Variants in FOXP3 observed in about 807,000 individuals in gnomAD.
The protein encoded by FOXP3 is forkhead box protein P3.
Under a neutral mutation model 31.2 loss-of-function variants are expected in FOXP3, and 5 were observed. The observed-to-expected ratio is 0.16, with a 90% CI of 0.08 to 0.34. The LOEUF (loss-of-function observed/expected upper bound fraction) is 0.34, where lower values mean the gene tolerates loss of function less well. Ranked by LOEUF, FOXP3 falls within the 10% of genes least tolerant of loss-of-function variation. The pLI, the probability that FOXP3 is intolerant of heterozygous loss-of-function variation, is 1.00. For missense variants in FOXP3, 251 were observed against 363.0 expected (o/e 0.69, Z 2.51); for synonymous variants, 141 against 148.8 (o/e 0.95, Z 0.38).
chrX:49,261,183 G>A (rs1400042235), intron 1 of FOXP3, among the ~76,000 whole-genome samples: 1 of 112,472 alleles, frequency 8.9e-6, no homozygotes, highest in Non-Finnish European at 1.9e-5. Flanking sequence ...TGGGGTCTAC[G>A]GTCCCAAAGT....
intron 1 of FOXP3, 146 bp from the exon 2 acceptor site, chrX:49,258,673 C>G (rs1474291132): frequency 5.0e-6 from 2 of 398,831 alleles, no homozygotes; most frequent in Non-Finnish European, 8.5e-6. Flanking sequence ...CACCCCAGCT[C>G]TAGACACACA....
chrX:49,255,308 G>C (rs1425696423), intron 8 of FOXP3, 121 bp downstream of exon 8: 1 of 615,257 alleles, frequency 1.6e-6, no homozygotes, highest in African/African-American at 2.2e-5. Flanking sequence ...GTTTGGAGCT[G>C]GGGACAGGGG....
intron 1 of FOXP3, among the ~76,000 whole-genome samples, chrX:49,263,851 T>C (rs1317698267): frequency 9.5e-6 from 1 of 105,806 alleles, no homozygotes; most frequent in Admixed American, 1.0e-4. Flanking sequence ...AAGTGCTCCC[T>C]GCCCCCCCGC....
In FOXP3 at chrX:49,251,274, A is replaced by C; in HGVS notation, c.*60T>G. The C allele has an allele frequency of 6.9e-6, 8 of 1,162,899 alleles. No individual in the cohort carries two copies. The highest frequency in any genetic ancestry group is 9.3e-6 in the Non-Finnish European group (8 of 860,866). On this transcript the variant is annotated 3_prime_UTR_variant, in exon 12 of 12. Transcript: ENST00000376207. ...AGGGCCTATCATCCCTGCCCCCACC[A>C]CCTCTGCCTCCCACCAGTTTGGCCC...
In FOXP3 at chrX:49,258,437, C is replaced by T. The variant is rs376670807; in HGVS notation, c.69G>A (p.Ser23=). 23 of 1,185,315 alleles carry T rather than the reference C, an allele frequency of 1.9e-5. No homozygotes were observed. Among genetic ancestry groups the T allele is most frequent in the Non-Finnish European group, 1.9e-5 (17 of 881,950 alleles). ...CTTTGGGTGCAGCCCTCCAGCTGGG[C>T]GAGGCTCCTGGGGATGGGCCAAGGG... The part of the protein sequence containing the change: ...SLALGPSPGA[S]PSWRAAPKAS... The change falls in exon 2 of 12, where the codon TCG becomes TCA. Residue 23 remains serine (S), a synonymous_variant. Coordinates refer to ENST00000376207, the MANE Select transcript of FOXP3 (RefSeq NM_014009.4).
At position 49,255,471 on chromosome X, in the gene FOXP3, G is replaced by A. The variant is rs782108980; in HGVS notation, c.774C>T (p.Ala258=). Reference sequence around the variant, plus strand: ...TCAGTGCCATTTTCCCAGCCAGGTGGGCCTGCATGGCACTCAGCTTCTCCT... The same window carrying A: ...TCAGTGCCATTTTCCCAGCCAGGTGAGCCTGCATGGCACTCAGCTTCTCCT... ...LEKEKLSAMQ[A]HLAGKMALTK... is the part of the protein sequence containing the mutation. Residue 258 remains alanine (A), a synonymous_variant, in exon 8 of 12, where the codon GCC becomes GCT. Coordinates refer to ENST00000376207, the MANE Select transcript of FOXP3 (RefSeq NM_014009.4). 6 of 1,201,464 alleles carry A rather than the reference G, an allele frequency of 5.0e-6. No homozygotes were observed. In the African/African-American group the frequency reaches 1.0e-4, roughly 21 times the overall value.
chrX:49,253,234 T>G, intron 9 of FOXP3, 32 bp from the exon 10 acceptor site: 12 of 1,140,605 alleles, frequency 1.1e-5, no homozygotes, highest in Non-Finnish European at 1.4e-5. Context: ...TCAAGCCCCA[T>G]GCAGGACCTC....
At chrX:49,256,208 GAGAGAGAGAGAA>G (rs2066069298) in intron 6 of FOXP3, among the ~76,000 whole-genome samples, 22 of 89,258 alleles carry the variant, frequency 2.5e-4, no homozygotes, top group Admixed American at 5.3e-4. Flanking sequence ...GTGTGTGTGT[GAGAGAGAGAGAA>G]AGAGAGAGAG....
rs1557115959 is a variant in FOXP3 at position 49,254,065 on chromosome X, T to C, written c.819A>G (p.Ala273=). Residue 273 remains alanine, a splice_region_variant and synonymous_variant, in exon 9 of 12, where the codon GCA becomes GCG. Coordinates refer to ENST00000376207, the MANE Select transcript of FOXP3 (RefSeq NM_014009.4). ...TGCAGCAGGAGCCCTTGTCGGATGA[T>C]GCCTGGGTGAGGGGGAGAGGCTGGT... is the stretch of plus-strand genomic sequence containing the variant. The part of the protein sequence containing the change: ...KMALTKASSV[A]SSDKGSCCIV... The C allele has an allele frequency of 2.5e-6, 3 of 1,208,062 alleles. No individual in the cohort carries two copies. In the South Asian group the frequency reaches 5.3e-5, roughly 21 times the overall value.
rs2066023072 is a variant in FOXP3, at chrX:49,250,626, T to C, written c.*708A>G. The C allele has an allele frequency of 1.3e-5, 4 of 316,646 alleles. No individual in the cohort carries two copies. The highest frequency in any genetic ancestry group is 8.0e-5 in the Admixed American group (2 of 25,092). The allele number at this position is 316,646 out of a possible 1,213,427, so 26.1% of individuals were successfully genotyped here. The stretch of plus-strand genomic sequence containing the variant: ...GGCAGTGTGTGTGGCTGTGTGTGTC[T>C]GCACGGGACTCAAGAGACCCACTGG... On this transcript the variant is annotated 3_prime_UTR_variant, in exon 12 of 12. Coordinates refer to ENST00000376207, the MANE Select transcript of FOXP3 (RefSeq NM_014009.4).
chrX:49,252,998 T>C (rs2066043821), intron 10 of FOXP3, 128 bp downstream of exon 10: 2 of 563,147 alleles, frequency 3.6e-6, no homozygotes, highest in Non-Finnish European at 5.8e-6. Context: ...TTGGGGATCC[T>C]TGGGGCTGGG....
intron 1 of FOXP3, among the ~76,000 whole-genome samples, chrX:49,259,669 AAGC>A (rs1271291129): frequency 3.6e-5 from 4 of 110,989 alleles, no homozygotes; most frequent in Admixed American, 9.6e-5. Context: ...TCCCTGAGGG[AAGC>A]ACTGGCTTTT....
At chrX:49,253,092 T>TTCC in intron 10 of FOXP3, 34 bp downstream of exon 10, 7 of 1,178,507 alleles carry the variant, frequency 5.9e-6, no homozygotes, top group South Asian at 5.5e-5. Context: ...CATCTTTGTC[T>TTCC]TCCTCCTCCT....
At chrX:49,259,388 T>C (rs2066096644) in intron 1 of FOXP3, 2 of 473,314 alleles carry the variant, frequency 4.2e-6, no homozygotes, top group South Asian at 5.8e-5. Flanking sequence ...AGTGTGATCA[T>C]GCACGGATCC....
chrX:49,261,197 A>G (rs1409071054), intron 1 of FOXP3, among the ~76,000 whole-genome samples: 1 of 112,658 alleles, frequency 8.9e-6, no homozygotes, highest in Admixed American at 9.3e-5. Flanking sequence ...CCAAAGTCTC[A>G]GTATGTGTAG....
Position 49,253,835 on chromosome X carries a change from T to C in FOXP3, c.967+82A>G, listed in dbSNP as rs1380889011. 4 of 1,120,271 alleles carry C rather than the reference T, an allele frequency of 3.6e-6. No individual in the cohort carries two copies. In the Admixed American group the frequency reaches 9.0e-5, roughly 25 times the overall value. 92.3% of individuals were successfully genotyped at this position (1,120,271 alleles called of 1,213,427 possible). ...GTGGTGGTGGTGGGAAGGGGCAGCA[T>C]GGAGCTCCTTTGCACCCTCCACCCA... On this transcript the variant is annotated intron_variant, in intron 9 of 11. Coordinates refer to ENST00000376207, the MANE Select transcript of FOXP3 (RefSeq NM_014009.4).
Position 49,258,443 on chromosome X carries a change from T to C in FOXP3, c.63A>G (p.Gly21=). 1.7e-6 allele frequency: 2 copies of C among 1,188,499 alleles called. No homozygotes were observed. The highest frequency in any genetic ancestry group is 2.3e-6 in the Non-Finnish European group (2 of 883,195). ...APSLALGPSP[G]ASPSWRAAPK... ...GTGCAGCCCTCCAGCTGGGCGAGGC[T>C]CCTGGGGATGGGCCAAGGGCCAAGG... Residue 21 remains glycine (G), a synonymous_variant, in exon 2 of 12, where the codon GGA becomes GGG. Coordinates refer to ENST00000376207, the MANE Select transcript of FOXP3 (RefSeq NM_014009.4).
intron 2 of FOXP3, among the ~76,000 whole-genome samples, chrX:49,258,053 G>A (rs1257752025): frequency 1.8e-5 from 2 of 111,943 alleles, no homozygotes; most frequent in African/African-American, 6.5e-5. Flanking sequence ...ACTACAATAC[G>A]GCCTCCTCCT....
Position 49,257,712 on chromosome X carries a change from C to T in FOXP3, c.267G>A (p.Leu89=). 8.5e-7 allele frequency: 1 copy of T among 1,180,211 alleles called. No homozygotes were observed. The highest frequency in any genetic ancestry group is 1.1e-6 in the Non-Finnish European group (1 of 878,895). The change falls in exon 3 of 12, where the codon TTG becomes TTA. Residue 89 remains leucine (L), a synonymous_variant. Coordinates refer to ENST00000376207, the MANE Select transcript of FOXP3 (RefSeq NM_014009.4). Reference sequence around the variant, plus strand: ...CCTGGAGGAGTGCCTGTAAGTGGGGCAAGGGGCCCAGCCGTGCCCCGGAGG... The same window carrying T: ...CCTGGAGGAGTGCCTGTAAGTGGGGTAAGGGGCCCAGCCGTGCCCCGGAGG... ...VAPSGARLGP[L]PHLQALLQDR... is the part of the protein sequence containing the mutation.
Sources: allele counts gnomAD v4.1 joint callset (sites outside exome capture counted in the v4.1 genomes callset), GRCh38; gene constraint gnomAD v4.1.1; transcripts MANE v1.5; gene names NCBI Gene and HGNC (gene_info 2026-07-23, HGNC 2026-07-21).